Variants in NTNG1 observed in about 807,000 individuals in gnomAD.
The protein encoded by NTNG1 is netrin G1.
NTNG1 carries 16 observed loss-of-function variants against 54.0 expected under a neutral mutation model. The observed-to-expected ratio is 0.30, with a 90% CI of 0.20 to 0.45. NTNG1 has a LOEUF of 0.45. Among genes scored for constraint, NTNG1 ranks in the 20% least tolerant of loss-of-function variants. NTNG1 has a pLI of 1.00. For missense variants in NTNG1, 530 were observed against 678.7 expected (o/e 0.78, Z 2.43); for synonymous variants, 255 against 263.1 (o/e 0.97, Z 0.30).
chr1:107,422,495 G>C (rs960849681), intron 5 of NTNG1, among the ~76,000 whole-genome samples: 3 of 151,972 alleles, frequency 2.0e-5, no homozygotes, highest in African/African-American at 7.2e-5. Context: ...ACATTCCTGG[G>C]GGCAGGGAGA....
At chr1:107,159,697 T>A (rs1421682761) in intron 2 of NTNG1, among the ~76,000 whole-genome samples, 1 of 152,206 alleles carries the variant, frequency 6.6e-6, no homozygotes, top group Non-Finnish European at 1.5e-5. Flanking sequence ...TTTTAAAAAA[T>A]CAAATTTTTG....
At chr1:107,225,972 G>A (rs940246528) in intron 2 of NTNG1, among the ~76,000 whole-genome samples, 14 of 152,238 alleles carry the variant, frequency 9.2e-5, no homozygotes, top group Admixed American at 3.3e-4. Flanking sequence ...CACCTGCCAA[G>A]TAATCTCTTT....
At chr1:107,222,958 G>C (rs1660446022) in intron 2 of NTNG1, among the ~76,000 whole-genome samples, 1 of 151,962 alleles carries the variant, frequency 6.6e-6, no homozygotes, top group Admixed American at 6.6e-5. Flanking sequence ...TGGGAGAAAG[G>C]CATGAATTTC....
At chr1:107,334,993 C>T (rs894112832) in intron 3 of NTNG1, among the ~76,000 whole-genome samples, 6 of 151,942 alleles carry the variant, frequency 3.9e-5, no homozygotes, top group Non-Finnish European at 5.9e-5. Flanking sequence ...TCAACCAGAT[C>T]GCAAAGCTTC....
chr1:107,198,229 C>T (rs1658481446), intron 2 of NTNG1, among the ~76,000 whole-genome samples: 1 of 151,480 alleles, frequency 6.6e-6, no homozygotes, highest in Non-Finnish European at 1.5e-5. Flanking sequence ...CATTTAGAGA[C>T]ACATACTGAT....
At chr1:107,242,919 A>G (rs2101586342) in intron 2 of NTNG1, among the ~76,000 whole-genome samples, 1 of 152,338 alleles carries the variant, frequency 6.6e-6, no homozygotes, top group African/African-American at 2.4e-5. Context: ...ATTTGAGAAG[A>G]AATAATTCTT....
At chr1:107,469,408 C>T (rs1344703907) in intron 7 of NTNG1, among the ~76,000 whole-genome samples, 1 of 152,186 alleles carries the variant, frequency 6.6e-6, no homozygotes, top group Non-Finnish European at 1.5e-5. Context: ...TAGCTAGCTA[C>T]TAATAATAGA....
chr1:107,210,059 A>T (rs1282473913), intron 2 of NTNG1, among the ~76,000 whole-genome samples: 1 of 152,102 alleles, frequency 6.6e-6, no homozygotes. Context: ...CAGAAAGGGG[A>T]TGCACTTTGA....
At chr1:107,361,295 TA>T (rs1280425252) in intron 3 of NTNG1, among the ~76,000 whole-genome samples, 1 of 142,336 alleles carries the variant, frequency 7.0e-6, no homozygotes, top group Non-Finnish European at 1.5e-5. Context: ...AATTTTTATA[TA>T]AAAATATATA....
At chr1:107,192,017 G>A (rs1657988779) in intron 2 of NTNG1, among the ~76,000 whole-genome samples, 1 of 152,236 alleles carries the variant, frequency 6.6e-6, no homozygotes, top group Admixed American at 6.5e-5. Context: ...ATTACCTTGG[G>A]CAGTATGGCC....
intron 3 of NTNG1, among the ~76,000 whole-genome samples, chr1:107,366,123 A>G (rs1670580107): frequency 6.6e-6 from 1 of 152,130 alleles, no homozygotes; most frequent in African/African-American, 2.4e-5. Flanking sequence ...GGGGGAACAT[A>G]GCAGAGAGTT....
At chr1:107,221,768 G>C (rs1166848272) in intron 2 of NTNG1, among the ~76,000 whole-genome samples, 1 of 152,148 alleles carries the variant, frequency 6.6e-6, no homozygotes, top group Non-Finnish European at 1.5e-5. Flanking sequence ...GTAAAAAAGA[G>C]AGTGGGACAT....
chr1:107,235,083 G>A (rs907016776), intron 2 of NTNG1, among the ~76,000 whole-genome samples: 2 of 152,130 alleles, frequency 1.3e-5, no homozygotes, highest in Non-Finnish European at 2.9e-5. Context: ...AGCAATTGGG[G>A]TTTTAAAAGG....
rs760644047 is a variant in NTNG1 at position 107,148,559 on chromosome 1, C to T, written c.-35C>T. 66 of 1,606,196 alleles carry T rather than the reference C, an allele frequency of 4.1e-5. No individual in the cohort carries two copies. Among genetic ancestry groups the T allele is most frequent in the Admixed American group, 6.7e-5 (4 of 59,662 alleles). ...ATCGCAGATCATAAAGCAAGCTCTG[C>T]TTTAGTTTCCAAGAAGATTACAAAG... On this transcript the variant is annotated 5_prime_UTR_variant, in exon 2 of 8. Coordinates refer to ENST00000370068, the MANE Select transcript of NTNG1 (RefSeq NM_001113226.3).
intron 2 of NTNG1, among the ~76,000 whole-genome samples, chr1:107,186,452 T>C (rs755280067): frequency 5.3e-5 from 8 of 152,170 alleles, no homozygotes; most frequent in Admixed American, 2.6e-4. Context: ...TAGCGTAAAA[T>C]CCAGATGTGT....
intron 1 of NTNG1, among the ~76,000 whole-genome samples, chr1:107,142,054 G>C (rs998756714): frequency 3.9e-5 from 6 of 152,108 alleles, no homozygotes; most frequent in African/African-American, 1.4e-4. Context: ...GAAAGAGGAA[G>C]ACTTGGTGTA....
At chr1:107,267,587 AC>A (rs990458913) in intron 2 of NTNG1, among the ~76,000 whole-genome samples, 152 of 152,172 alleles carry the variant, frequency 1.0e-3, no homozygotes, top group African/African-American at 3.5e-3. Flanking sequence ...ATTCCACTGC[AC>A]TTTTCCATTC....
At chr1:107,421,350 A>G (rs756532883) in intron 5 of NTNG1, among the ~76,000 whole-genome samples, 4 of 152,224 alleles carry the variant, frequency 2.6e-5, no homozygotes, top group Non-Finnish European at 4.4e-5. Flanking sequence ...GCAATTAAAA[A>G]TGTTACATTT....
intron 2 of NTNG1, among the ~76,000 whole-genome samples, chr1:107,242,258 G>C (rs954636003): frequency 2.0e-5 from 3 of 152,248 alleles, no homozygotes; most frequent in African/African-American, 7.2e-5. Flanking sequence ...AAAGTTTGCC[G>C]TGAGGCAAGA....
Sources: allele counts gnomAD v4.1 joint callset (sites outside exome capture counted in the v4.1 genomes callset), GRCh38; gene constraint gnomAD v4.1.1; transcripts MANE v1.5; gene names NCBI Gene and HGNC (gene_info 2026-07-23, HGNC 2026-07-21).